Variants in CHRM3 observed in about 807,000 individuals in gnomAD.
CHRM3 encodes the protein muscarinic acetylcholine receptor M3.
A neutral mutation model predicts 41.8 loss-of-function variants in CHRM3; 11 were observed. That is an observed-to-expected ratio of 0.26 (90% confidence interval 0.17 to 0.44). The LOEUF is 0.44. Among genes scored for constraint, CHRM3 ranks in the 20% least tolerant of loss-of-function variants. The probability of loss-of-function intolerance (pLI) is 1.00; values close to 1 mark genes in which losing one functional copy is unlikely to be tolerated. For synonymous variants in CHRM3, 297 were observed against 301.4 expected (o/e 0.99, Z 0.15); for missense variants, 571 against 745.4 (o/e 0.77, Z 2.72).
At chr1:239,665,298 C>T (rs942275986) in intron 4 of CHRM3, among the ~76,000 whole-genome samples, 2 of 152,096 alleles carry the variant, frequency 1.3e-5, no homozygotes, top group Non-Finnish European at 2.9e-5. Context: ...TCTGCTTTCC[C>T]TGAGCTGCTA....
intron 2 of CHRM3, among the ~76,000 whole-genome samples, chr1:239,528,860 T>C (rs747745713): frequency 7.0e-4 from 107 of 152,180 alleles, no homozygotes; most frequent in Non-Finnish European, 1.4e-3. Context: ...ACCACTGTAC[T>C]CCAGCCTGGG....
chr1:239,806,467 A>G (rs1670661907), intron 5 of CHRM3, among the ~76,000 whole-genome samples: 1 of 151,600 alleles, frequency 6.6e-6, no homozygotes, highest in South Asian at 2.1e-4. Context: ...CAGAGATTGT[A>G]ATTGTTGAAT....
intron 1 of CHRM3, among the ~76,000 whole-genome samples, chr1:239,483,462 G>C (rs1666992501): frequency 1.3e-5 from 2 of 152,224 alleles, no homozygotes; most frequent in Non-Finnish European, 2.9e-5. Context: ...TGAGCTCAAG[G>C]AGCCTAAGAT....
At chr1:239,578,358 T>C (rs1662566749) in intron 3 of CHRM3, among the ~76,000 whole-genome samples, 1 of 152,206 alleles carries the variant, frequency 6.6e-6, no homozygotes, top group Admixed American at 6.5e-5. Context: ...TTTACAGAGA[T>C]ATACTACATA....
At chr1:239,501,177 G>A (rs1210898509) in intron 2 of CHRM3, among the ~76,000 whole-genome samples, 3 of 152,174 alleles carry the variant, frequency 2.0e-5, no homozygotes, top group African/African-American at 7.2e-5. Context: ...CACAGTAATA[G>A]TGGGGGACTT....
At chr1:239,817,677 A>G (rs1671700886) in intron 5 of CHRM3, among the ~76,000 whole-genome samples, 1 of 151,850 alleles carries the variant, frequency 6.6e-6, no homozygotes, top group African/African-American at 2.4e-5. Context: ...TCCTCCCTCG[A>G]AAACTCACAG....
intron 1 of CHRM3, among the ~76,000 whole-genome samples, chr1:239,406,320 G>T (rs1660592891): frequency 6.6e-6 from 1 of 152,142 alleles, no homozygotes; most frequent in South Asian, 2.1e-4. Context: ...ATGCCCTGGT[G>T]GCTCCAGGAA....
At chr1:239,829,416 G>A (rs1159340263) in intron 6 of CHRM3, among the ~76,000 whole-genome samples, 3 of 136,836 alleles carry the variant, frequency 2.2e-5, no homozygotes, top group African/African-American at 7.6e-5. Flanking sequence ...TTTTTTTTTT[G>A]AAAAAGAAAA....
intron 5 of CHRM3, among the ~76,000 whole-genome samples, chr1:239,823,687 C>T (rs1265577421): frequency 6.6e-6 from 1 of 151,968 alleles, no homozygotes; most frequent in African/African-American, 2.4e-5. Context: ...AATGATTTTT[C>T]TCATCAGGAA....
chr1:239,507,852 A>G (rs1668676169), intron 2 of CHRM3, among the ~76,000 whole-genome samples: 1 of 152,206 alleles, frequency 6.6e-6, no homozygotes, highest in African/African-American at 2.4e-5. Context: ...CCTATAATTT[A>G]TAAAGAAATT....
chr1:239,559,489 T>A (rs574284892), intron 3 of CHRM3, among the ~76,000 whole-genome samples: 1 of 152,290 alleles, frequency 6.6e-6, no homozygotes, highest in Non-Finnish European at 1.5e-5. Flanking sequence ...CAACTGACAG[T>A]TCAACCACTA....
At chr1:239,592,091 T>G (rs1421844659) in intron 3 of CHRM3, among the ~76,000 whole-genome samples, 1 of 152,200 alleles carries the variant, frequency 6.6e-6, no homozygotes, top group Admixed American at 6.5e-5. Context: ...GGTAGATTGC[T>G]TTCTGTAAGA....
At chr1:239,874,326 T>TCTATATAC (rs1553292049) in intron 6 of CHRM3, among the ~76,000 whole-genome samples, 1 of 121,984 alleles carries the variant, frequency 8.2e-6, no homozygotes, top group Non-Finnish European at 1.7e-5. Context: ...TATATATATA[T>TCTATATAC]ACACAGTTGA....
chr1:239,437,023 A>G (rs1477779395), intron 1 of CHRM3, among the ~76,000 whole-genome samples: 2 of 152,058 alleles, frequency 1.3e-5, no homozygotes, highest in African/African-American at 2.4e-5. Context: ...TCACACAGGA[A>G]CTCTTAAAAA....
At chr1:239,509,325 T>C (rs962972214) in intron 2 of CHRM3, among the ~76,000 whole-genome samples, 3 of 152,182 alleles carry the variant, frequency 2.0e-5, no homozygotes, top group Non-Finnish European at 4.4e-5. Context: ...CTTCTTATAG[T>C]CTTACAATTA....
At position 239,908,875 on chromosome 1, in the gene CHRM3, T is replaced by A. The variant is rs201890805; in HGVS notation, c.1424T>A (p.Ile475Asn). 1.2e-6 allele frequency: 2 copies of A among 1,614,050 alleles called. No individual in the cohort carries two copies. The highest frequency in any genetic ancestry group is 1.1e-5 in the South Asian group (1 of 91,076). ...KRFALKTRSQITKRKRMSLVK... is the reference protein window; with the variant it reads ...KRFALKTRSQNTKRKRMSLVK... ...TTTGCTCTGAAGACCAGAAGTCAGA[T>A]CACTAAGCGGAAAAGGATGTCCCTG... Residue 475 changes from isoleucine to asparagine, a missense_variant, in exon 7 of 7, where the codon ATC (isoleucine) becomes AAC (asparagine). Physicochemically the swap from Ile to Asn is moderately radical, Grantham distance 149. Coordinates refer to ENST00000676153, the MANE Select transcript of CHRM3 (RefSeq NM_001375978.1). This position sits in a 1 kb window ranked among gnomAD's most constrained non-coding sequence, Gnocchi z 7.2.
At chr1:239,558,662 A>G (rs1437669979) in intron 3 of CHRM3, among the ~76,000 whole-genome samples, 2 of 152,148 alleles carry the variant, frequency 1.3e-5, no homozygotes, top group African/African-American at 4.8e-5. Context: ...CAAACGTTCT[A>G]AGCTCTTTTG....
chr1:239,419,793 C>A (rs1402730632), intron 1 of CHRM3, among the ~76,000 whole-genome samples: 1 of 152,212 alleles, frequency 6.6e-6, no homozygotes, highest in Non-Finnish European at 1.5e-5. Flanking sequence ...CTGTACATTT[C>A]ACCATTCTTC....
At chr1:239,531,890 A>C (rs1174862072) in intron 2 of CHRM3, among the ~76,000 whole-genome samples, 1 of 149,360 alleles carries the variant, frequency 6.7e-6, no homozygotes, top group Non-Finnish European at 1.5e-5. Flanking sequence ...CAATCTCCTG[A>C]CCTCGTGATC....
Sources: allele counts gnomAD v4.1 joint callset (sites outside exome capture counted in the v4.1 genomes callset), GRCh38; gene constraint gnomAD v4.1.1; non-coding constraint Gnocchi (gnomAD v3.1); transcripts MANE v1.5; gene names NCBI Gene and HGNC (gene_info 2026-07-23, HGNC 2026-07-21).